SOS1: variants seen among roughly 807,000 people sequenced by gnomAD.
SOS1 encodes the protein SOS Ras/Rac guanine nucleotide exchange factor 1, also known as son of sevenless homolog 1.
A neutral mutation model predicts 157.6 loss-of-function variants in SOS1; 25 were observed. That is an observed-to-expected ratio of 0.16 (90% CI 0.12 to 0.22). The LOEUF (loss-of-function observed/expected upper bound fraction) is 0.22. Ranked by LOEUF, SOS1 falls within the 10% of genes least tolerant of loss-of-function variation. SOS1 has a pLI of 1.00. For missense variants in SOS1, 1,237 were observed against 1,599.1 expected, an observed-to-expected ratio of 0.77 and a Z score of 3.86; for synonymous variants, 528 against 534.0, an observed-to-expected ratio of 0.99 and a Z score of 0.16.
chr2:39,099,652 A>C (rs1672893857), intron 1 of SOS1, among the ~76,000 whole-genome samples: 1 of 152,236 alleles, frequency 6.6e-6, no homozygotes, highest in South Asian at 2.1e-4. Flanking sequence ...ACTACATCAA[A>C]CTAAAAAGCT....
intron 1 of SOS1, among the ~76,000 whole-genome samples, chr2:39,079,360 T>C (rs1672125833): frequency 6.6e-6 from 1 of 152,124 alleles, no homozygotes; most frequent in African/African-American, 2.4e-5. Context: ...TATTAATTTA[T>C]ACTTAATGAC....
intron 8 of SOS1, among the ~76,000 whole-genome samples, chr2:39,034,012 A>C (rs1268328068): frequency 6.6e-6 from 1 of 152,214 alleles, no homozygotes; most frequent in Non-Finnish European, 1.5e-5. Flanking sequence ...TTATAACTAT[A>C]GTTAGTAATA....
intron 15 of SOS1, among the ~76,000 whole-genome samples, chr2:39,008,418 C>T (rs1222517756): frequency 6.6e-6 from 1 of 152,166 alleles, no homozygotes; most frequent in Non-Finnish European, 1.5e-5. Flanking sequence ...AAACAGATAG[C>T]TCCTAATTTC....
intron 1 of SOS1, among the ~76,000 whole-genome samples, chr2:39,110,998 C>T (rs1019391979): frequency 2.0e-5 from 3 of 152,012 alleles, no homozygotes; most frequent in Non-Finnish European, 2.9e-5. Context: ...TTTGGGAGGG[C>T]GAGGCAGGTG....
At chr2:39,044,739 G>T (rs1670691597) in intron 6 of SOS1, among the ~76,000 whole-genome samples, 1 of 152,158 alleles carries the variant, frequency 6.6e-6, no homozygotes, top group African/African-American at 2.4e-5. Context: ...CAGGGCCTAT[G>T]CAAGTTTTGC....
chr2:39,076,698 C>T (rs906818508), intron 1 of SOS1, among the ~76,000 whole-genome samples: 7 of 151,978 alleles, frequency 4.6e-5, no homozygotes, highest in African/African-American at 1.7e-4. Flanking sequence ...ATCAATAGTG[C>T]AATACTAAAA....
chr2:39,077,330 AAAAAG>A (rs1385129268), intron 1 of SOS1, among the ~76,000 whole-genome samples: 2 of 152,100 alleles, frequency 1.3e-5, no homozygotes, highest in Non-Finnish European at 1.5e-5. Flanking sequence ...CAAAAAAAAA[AAAAAG>A]AAAGAAAATC....
chr2:39,046,004 G>T (rs982926854), intron 6 of SOS1, among the ~76,000 whole-genome samples: 9 of 152,048 alleles, frequency 5.9e-5, no homozygotes, highest in African/African-American at 2.2e-4. Context: ...GAGCCATTGC[G>T]CCAGGCCTAA....
At chr2:38,999,397 C>T (rs760196445) in intron 17 of SOS1, among the ~76,000 whole-genome samples, 2 of 152,136 alleles carry the variant, frequency 1.3e-5, no homozygotes, top group African/African-American at 4.8e-5. Flanking sequence ...AAATCTTTGG[C>T]CACATCCTTG....
chr2:39,086,500 T>C (rs1475261280), intron 1 of SOS1, among the ~76,000 whole-genome samples: 1 of 152,182 alleles, frequency 6.6e-6, no homozygotes, highest in Non-Finnish European at 1.5e-5. Context: ...ACATATTAGA[T>C]ATTGGTAAGC....
At chr2:39,084,293 G>A (rs533091126) in intron 1 of SOS1, among the ~76,000 whole-genome samples, 2 of 152,186 alleles carry the variant, frequency 1.3e-5, no homozygotes, top group Admixed American at 6.5e-5. Flanking sequence ...AGTGAAAAAA[G>A]AAGGTATTCT....
intron 10 of SOS1, among the ~76,000 whole-genome samples, chr2:39,019,735 AAAAAAT>A (rs1293897411): frequency 1.3e-5 from 2 of 151,660 alleles, no homozygotes; most frequent in African/African-American, 4.8e-5. Context: ...GGGTTTTGTA[AAAAAAT>A]AAAAATAATA....
Position 39,045,273 on chromosome 2 carries a change from A to AGAGT in SOS1, c.864+5870_864+5871insACTC, listed in dbSNP as rs138343013. Among the ~76,000 whole-genome samples, 388 of 108,092 alleles carry AGAGT rather than the reference A, an allele frequency of 3.6e-3. 1 individual carries two copies. The highest frequency in any genetic ancestry group is 0.011 in the South Asian group (32 of 3,038). The allele number at this position is 108,092 out of a possible 152,430, so 70.9% of individuals were successfully genotyped here. A position where few individuals can be genotyped will look rare whatever the true frequency, so the allele number is the denominator to read the frequency against. On this transcript the variant is annotated intron_variant, in intron 6 of 22. Coordinates refer to ENST00000402219, the MANE Select transcript of SOS1 (RefSeq NM_005633.4). ...GAGAGAGAGAGAGAGAGAGAGAGAG[A>AGAGT]GTGTGTGTGTGTGTGTGTGTGTGTG...
In SOS1 at chr2:39,120,425, T is replaced by C. The variant is rs1457481444; in HGVS notation, c.-3A>G. ...TAGGGCAGCTGCTGCGCCTGCATGG[T>C]GCCCCCGGGGCGCCTCTGGGCGGGG... On this transcript the variant is annotated 5_prime_UTR_variant, in exon 1 of 23. Coordinates refer to ENST00000402219, the MANE Select transcript of SOS1 (RefSeq NM_005633.4). 1 of 1,584,330 alleles carries C rather than the reference T, an allele frequency of 6.3e-7. No individual in the cohort carries two copies. Among genetic ancestry groups the C allele is most frequent in the Non-Finnish European group, 8.6e-7 (1 of 1,167,372 alleles).
At chr2:39,070,760 G>C (rs1207238485) in intron 1 of SOS1, among the ~76,000 whole-genome samples, 1 of 152,204 alleles carries the variant, frequency 6.6e-6, no homozygotes, top group African/African-American at 2.4e-5. Context: ...TTACATTCCA[G>C]TTCAAAGCCC....
chr2:39,035,151 G>T, intron 8 of SOS1, 61 bp downstream of exon 8: 1 of 1,096,392 alleles, frequency 9.1e-7, no homozygotes, highest in Non-Finnish European at 1.4e-6. Context: ...TACAAATGAA[G>T]TAGCAAAAAA....
rs966388444 is a variant in SOS1 at position 39,013,538 on chromosome 2, C to A, written c.2089G>T (p.Val697Leu). 4 of 1,610,144 alleles carry A rather than the reference C, an allele frequency of 2.5e-6. No individual in the cohort carries two copies. Among genetic ancestry groups the A allele is most frequent in the Non-Finnish European group, 3.4e-6 (4 of 1,176,810 alleles). ...TCAAAATCATAGAAGTGGTGCTCTA[C>A]CCAGTGCCGACATACATTTAATACT... ...LRVLNVCRHW[V>L]EHHFYDFERD... The change falls in exon 13 of 23, where the codon GTA becomes TTA. Residue 697 changes from valine to leucine, a missense_variant. This residue lies in a region of SOS1 where 42 missense variants were observed against 80.4 expected (regional missense o/e 0.52). Transcript: ENST00000402219.
At chr2:39,034,486 GTCT>G (rs1261593577) in intron 8 of SOS1, among the ~76,000 whole-genome samples, 1 of 152,160 alleles carries the variant, frequency 6.6e-6, no homozygotes, top group African/African-American at 2.4e-5. Flanking sequence ...ATTAATGCAT[GTCT>G]TCTTTTGTCT....
chr2:39,076,565 A>C (rs1672006742), intron 1 of SOS1, among the ~76,000 whole-genome samples: 1 of 152,250 alleles, frequency 6.6e-6, no homozygotes, highest in Non-Finnish European at 1.5e-5. Flanking sequence ...CAATAGATGC[A>C]GAAAAGGTAA....
Sources: allele counts gnomAD v4.1 joint callset (sites outside exome capture counted in the v4.1 genomes callset), GRCh38; gene constraint gnomAD v4.1.1; regional missense constraint gnomAD v4.1.1; transcripts MANE v1.5; gene names NCBI Gene and HGNC (gene_info 2026-07-23, HGNC 2026-07-21).